Variants in SKIC3 observed in about 807,000 individuals in gnomAD.
The protein encoded by SKIC3 is SKI3 subunit of superkiller complex.
chr5:95,541,983 A>G, the SKIC3 span: 1 of 867,836 alleles, frequency 1.2e-6, no homozygotes, highest in Non-Finnish European at 1.9e-6. Context: ...TTTGCTAAAT[A>G]ATATGATAAT....
chr5:95,532,112 A>T, the SKIC3 span, among the ~76,000 whole-genome samples: 1 of 152,138 alleles, frequency 6.6e-6, no homozygotes, highest in Non-Finnish European at 1.5e-5. Flanking sequence ...GACTACCTTG[A>T]CTACATAAAC....
At chr5:95,512,281 G>T in the SKIC3 span, among the ~76,000 whole-genome samples, 8 of 152,106 alleles carry the variant, frequency 5.3e-5, no homozygotes, top group Admixed American at 3.3e-4. Flanking sequence ...GCATCATTAG[G>T]TAACAATTTT....
chr5:95,523,614 G>A, the SKIC3 span: 11 of 1,601,562 alleles, frequency 6.9e-6, no homozygotes, highest in South Asian at 1.1e-4. Flanking sequence ...TATATACTCA[G>A]GATAAAAAAA....
the SKIC3 span, among the ~76,000 whole-genome samples, chr5:95,546,296 A>T: frequency 6.6e-6 from 1 of 151,572 alleles, no homozygotes; most frequent in Non-Finnish European, 1.5e-5. Context: ...AGGGCCTGCT[A>T]ATCTTTCCAA....
the SKIC3 span, among the ~76,000 whole-genome samples, chr5:95,536,270 T>G: frequency 6.6e-6 from 1 of 152,240 alleles, no homozygotes; most frequent in African/African-American, 2.4e-5. Flanking sequence ...ATTTAATTAC[T>G]TTATAATATT....
the SKIC3 span, chr5:95,520,770 T>A: frequency 6.2e-7 from 1 of 1,612,408 alleles, no homozygotes. Flanking sequence ...TCCATCAAGA[T>A]AATCAACTAG....
chr5:95,494,901 A>G, the SKIC3 span: 1 of 1,595,350 alleles, frequency 6.3e-7, no homozygotes, highest in Non-Finnish European at 8.6e-7. Flanking sequence ...TATGAAAACT[A>G]TTATTCCTTC....
chr5:95,477,025 A>T, the SKIC3 span, among the ~76,000 whole-genome samples: 1 of 152,248 alleles, frequency 6.6e-6, no homozygotes, highest in Non-Finnish European at 1.5e-5. Context: ...ACTGAAAAGT[A>T]AAAAGTAATA....
At chr5:95,514,865 C>T in the SKIC3 span, 1 of 1,612,098 alleles carries the variant, frequency 6.2e-7, no homozygotes, top group Non-Finnish European at 8.5e-7. Context: ...TTGTCCAATC[C>T]AGCACATTAA....
At chr5:95,543,808 TA>T in the SKIC3 span, among the ~76,000 whole-genome samples, 1 of 152,214 alleles carries the variant, frequency 6.6e-6, no homozygotes. Context: ...CCAGTGCGAT[TA>T]TACCAAATAT....
the SKIC3 span, chr5:95,517,312 G>T: frequency 1.2e-6 from 2 of 1,612,744 alleles, no homozygotes; most frequent in Admixed American, 3.3e-5. Flanking sequence ...TCAGCTCGAT[G>T]CTGTAGAGCA....
the SKIC3 span, among the ~76,000 whole-genome samples, chr5:95,477,524 A>G: frequency 6.6e-6 from 1 of 152,172 alleles, no homozygotes; most frequent in South Asian, 2.1e-4. Context: ...TTAATTACAA[A>G]ATAATAAGGA....
chr5:95,546,955 T>C, the SKIC3 span: 1 of 1,142,588 alleles, frequency 8.8e-7, no homozygotes, highest in South Asian at 1.3e-5. Flanking sequence ...CTAAATGGCC[T>C]TACCACTTTT....
chr5:95,540,759 T>A, the SKIC3 span: 1 of 1,614,134 alleles, frequency 6.2e-7, no homozygotes. Flanking sequence ...TTCTCCATAG[T>A]TGATGAAGCT....
the SKIC3 span, chr5:95,543,064 T>C: frequency 7.9e-7 from 1 of 1,259,268 alleles, no homozygotes; most frequent in East Asian, 2.5e-5. Flanking sequence ...TAAATTTAAA[T>C]TTTTTCTTAC....
chr5:95,498,629 T>C, the SKIC3 span: 1 of 711,560 alleles, frequency 1.4e-6, no homozygotes, highest in African/African-American at 5.0e-5. Context: ...TAGTTAGTCT[T>C]TTTTTTTTTT....
the SKIC3 span, among the ~76,000 whole-genome samples, chr5:95,480,745 C>T: frequency 1.3e-5 from 2 of 152,094 alleles, no homozygotes; most frequent in Admixed American, 6.6e-5. Context: ...CCCAAATGCC[C>T]ATCAACAGTA....
chr5:95,484,355 T>C, the SKIC3 span, among the ~76,000 whole-genome samples: 2 of 149,508 alleles, frequency 1.3e-5, no homozygotes, highest in African/African-American at 4.9e-5. Context: ...TTTTTTTTTT[T>C]TTTTTTTTCC....
At chr5:95,507,757 T>C in the SKIC3 span, among the ~76,000 whole-genome samples, 1 of 152,170 alleles carries the variant, frequency 6.6e-6, no homozygotes, top group African/African-American at 2.4e-5. Flanking sequence ...CTTATTTAGA[T>C]TTATGCCTAA....
Sources: gnomAD v4.1 joint callset for allele counts (sites outside exome capture counted in the v4.1 genomes callset) on GRCh38, gnomAD v4.1.1 for gene constraint, MANE v1.5 for transcripts, NCBI Gene and HGNC (gene_info 2026-07-23, HGNC 2026-07-21) for gene names.